Variants in SEMA5A observed in about 807,000 individuals in gnomAD.
SEMA5A encodes semaphorin 5A, also known as semaphorin-5A.
In SEMA5A, 55 loss-of-function variants were observed where a neutral mutation model predicts 135.5. The ratio of observed to expected loss-of-function variants is 0.41; its 90% CI spans 0.33 to 0.51. The LOEUF is 0.51. SEMA5A is among the 20% of genes least tolerant of loss of function. The probability of loss-of-function intolerance (pLI) is 0.37; values close to 1 mark genes in which losing one functional copy is unlikely to be tolerated. For synonymous variants in SEMA5A, 580 were observed against 546.5 expected (o/e 1.06, Z -0.85); for missense variants, 1,290 against 1,419.9 (o/e 0.91, Z 1.47).
intron 1 of SEMA5A, among the ~76,000 whole-genome samples, chr5:9,509,183 G>T (rs1736070457): frequency 6.6e-6 from 1 of 151,878 alleles, no homozygotes; most frequent in African/African-American, 2.4e-5. Context: ...GGAGGAATTT[G>T]GAAAGTTCAC....
intron 5 of SEMA5A, among the ~76,000 whole-genome samples, chr5:9,258,701 T>A (rs1034697713): frequency 3.9e-5 from 6 of 151,952 alleles, no homozygotes; most frequent in Admixed American, 1.3e-4. Flanking sequence ...TATTAAGGAG[T>A]GCTTACAAAT....
intron 10 of SEMA5A, among the ~76,000 whole-genome samples, chr5:9,192,149 T>A (rs922179034): frequency 6.6e-6 from 1 of 152,158 alleles, no homozygotes; most frequent in African/African-American, 2.4e-5. Context: ...GGTGAAGGGC[T>A]CAGCCCTGCC....
At chr5:9,083,762 G>C (rs1358472564) in intron 16 of SEMA5A, among the ~76,000 whole-genome samples, 1 of 152,180 alleles carries the variant, frequency 6.6e-6, no homozygotes, top group African/African-American at 2.4e-5. Context: ...AGTGCCATCA[G>C]CCTCACACCA....
At chr5:9,173,442 C>G (rs1017329494) in intron 11 of SEMA5A, among the ~76,000 whole-genome samples, 1 of 152,090 alleles carries the variant, frequency 6.6e-6, no homozygotes, top group Non-Finnish European at 1.5e-5. Context: ...TCTCATAGTT[C>G]TAAAGCCTGG....
intron 3 of SEMA5A, among the ~76,000 whole-genome samples, chr5:9,372,235 C>A (rs1400037425): frequency 6.6e-6 from 1 of 152,224 alleles, no homozygotes; most frequent in African/African-American, 2.4e-5. Context: ...AATGAAGAGG[C>A]TAAACTCAGC....
chr5:9,116,243 G>A (rs144727112), intron 15 of SEMA5A, among the ~76,000 whole-genome samples: 6 of 152,232 alleles, frequency 3.9e-5, no homozygotes, highest in East Asian at 3.9e-4. Context: ...AAAAAGAAAC[G>A]TGTGTTGTTT....
intron 5 of SEMA5A, among the ~76,000 whole-genome samples, chr5:9,270,549 G>T (rs1054099708): frequency 3.3e-5 from 5 of 152,030 alleles, no homozygotes; most frequent in African/African-American, 1.2e-4. Flanking sequence ...AGTATGAAAG[G>T]TACTGAGAGC....
At chr5:9,407,848 C>G (rs149037840) in intron 2 of SEMA5A, among the ~76,000 whole-genome samples, 3,166 of 152,198 alleles carry the variant, frequency 0.021, 50 homozygotes, top group Non-Finnish European at 0.031. Context: ...AAAGAAGAGT[C>G]TGTAGTCCTG....
chr5:9,255,220 A>T (rs1749002818), intron 5 of SEMA5A, among the ~76,000 whole-genome samples: 1 of 152,190 alleles, frequency 6.6e-6, no homozygotes, highest in African/African-American at 2.4e-5. Context: ...AGTGTGGCTC[A>T]GATGTTTTGT....
intron 16 of SEMA5A, among the ~76,000 whole-genome samples, chr5:9,097,219 G>T (rs1408896966): frequency 1.3e-5 from 2 of 152,120 alleles, no homozygotes; most frequent in African/African-American, 4.8e-5. Context: ...TTTAAGTAGA[G>T]ACCACACTTC....
intron 11 of SEMA5A, among the ~76,000 whole-genome samples, chr5:9,188,650 ATTTAT>A (rs1405500960): frequency 1.3e-5 from 2 of 152,146 alleles, no homozygotes; most frequent in Non-Finnish European, 2.9e-5. Flanking sequence ...CAGCCTGGAC[ATTTAT>A]GGTGAAAAAC....
intron 11 of SEMA5A, among the ~76,000 whole-genome samples, chr5:9,164,053 TA>T (rs1462737834): frequency 7.0e-6 from 1 of 142,024 alleles, no homozygotes; most frequent in Non-Finnish European, 1.5e-5. Flanking sequence ...TATATATTTA[TA>T]ATATAAATAT....
chr5:9,183,783 G>GT, intron 11 of SEMA5A, among the ~76,000 whole-genome samples: 1 of 152,288 alleles, frequency 6.6e-6, no homozygotes, highest in East Asian at 1.9e-4. Flanking sequence ...CTTTCCTGAG[G>GT]TTTTTGTTCT....
chr5:9,408,198 C>T (rs987042619), intron 2 of SEMA5A, among the ~76,000 whole-genome samples: 8 of 152,062 alleles, frequency 5.3e-5, no homozygotes, highest in African/African-American at 1.9e-4. Flanking sequence ...ACCACCACCA[C>T]CATCACCACC....
chr5:9,176,503 G>A (rs1307433181), intron 11 of SEMA5A, among the ~76,000 whole-genome samples: 1 of 152,186 alleles, frequency 6.6e-6, no homozygotes, highest in Non-Finnish European at 1.5e-5. Flanking sequence ...CCAGGACCAT[G>A]GAAATTGTGA....
At chr5:9,341,973 C>T (rs376729928) in intron 3 of SEMA5A, among the ~76,000 whole-genome samples, 16 of 151,142 alleles carry the variant, frequency 1.1e-4, no homozygotes, top group African/African-American at 3.9e-4. Context: ...CTTACAACTT[C>T]AAGAAACGAT....
chr5:9,523,426 G>A (rs1736947711), intron 1 of SEMA5A, among the ~76,000 whole-genome samples: 1 of 152,132 alleles, frequency 6.6e-6, no homozygotes, highest in Non-Finnish European at 1.5e-5. Context: ...TCCTTCCTAG[G>A]ATGTCTCATA....
intron 1 of SEMA5A, among the ~76,000 whole-genome samples, chr5:9,459,779 C>T (rs947541605): frequency 7.2e-5 from 11 of 152,210 alleles, no homozygotes; most frequent in African/African-American, 2.2e-4. Flanking sequence ...TTGTTAAATA[C>T]AGAGAAAGAT....
chr5:9,509,424 A>G (rs995478486), intron 1 of SEMA5A, among the ~76,000 whole-genome samples: 9 of 151,896 alleles, frequency 5.9e-5, no homozygotes, highest in African/African-American at 2.2e-4. Flanking sequence ...ACAGGCGCAC[A>G]CCACCACGCC....
Sources: allele counts gnomAD v4.1 joint callset (sites outside exome capture counted in the v4.1 genomes callset), GRCh38; gene constraint gnomAD v4.1.1; transcripts MANE v1.5; gene names NCBI Gene and HGNC (gene_info 2026-07-23, HGNC 2026-07-21).